Variants in GPC5 observed in about 807,000 individuals in gnomAD.
GPC5 encodes the protein glypican 5.
A neutral mutation model predicts 53.9 loss-of-function variants in GPC5; 47 were observed. The ratio of observed to expected loss-of-function variants is 0.87; its 90% CI spans 0.69 to 1.11. The LOEUF (loss-of-function observed/expected upper bound fraction) is 1.11, where lower values mean the gene tolerates loss of function less well. Ranked by LOEUF, GPC5 falls within the 50% of genes most tolerant of loss-of-function variation. The pLI, the probability that GPC5 is intolerant of heterozygous loss-of-function variation, is 0.00. For synonymous variants in GPC5, 286 were observed against 263.3 expected, an observed-to-expected ratio of 1.09 and a Z score of -0.84; for missense variants, 748 against 713.1, an observed-to-expected ratio of 1.05 and a Z score of -0.56.
intron 7 of GPC5, among the ~76,000 whole-genome samples, chr13:92,629,355 T>C (rs112654102): frequency 7.2e-5 from 11 of 152,290 alleles, no homozygotes; most frequent in East Asian, 3.9e-4. Flanking sequence ...TTGTGACACA[T>C]AGATGAAGGT....
chr13:92,052,905 TC>T (rs923017152), intron 6 of GPC5, among the ~76,000 whole-genome samples: 17 of 151,946 alleles, frequency 1.1e-4, no homozygotes, highest in African/African-American at 3.9e-4. Flanking sequence ...CCCTCAAGGG[TC>T]CCGAAAAGCA....
Position 91,543,873 on chromosome 13 carries a change from A to T in GPC5, c.325+94951A>T, listed in dbSNP as rs1428315113. Among the ~76,000 whole-genome samples the T allele has an allele frequency of 2.6e-5, 4 of 152,334 alleles. No individual in the cohort carries two copies. In the East Asian group the frequency reaches 5.8e-4, roughly 22 times the overall value. On this transcript the variant is annotated intron_variant, in intron 2 of 7. Coordinates refer to ENST00000377067, the MANE Select transcript of GPC5 (RefSeq NM_004466.6). ...AGCAACCCTCCATGTTGTTATGGAT[A>T]TCAAAGTTTCTTTTGAAATATGTAT...
intron 7 of GPC5, among the ~76,000 whole-genome samples, chr13:92,763,156 T>C (rs1875256669): frequency 6.6e-6 from 1 of 152,196 alleles, no homozygotes; most frequent in Non-Finnish European, 1.5e-5. Flanking sequence ...ATTCTTTTGA[T>C]GATATCATGT....
At chr13:91,716,047 G>C (rs1161113840) in intron 3 of GPC5, among the ~76,000 whole-genome samples, 1 of 151,424 alleles carries the variant, frequency 6.6e-6, no homozygotes, top group Non-Finnish European at 1.5e-5. Context: ...CAAAAGTGTT[G>C]GGATTACAGG....
At chr13:92,016,222 G>T (rs1566395409) in intron 6 of GPC5, among the ~76,000 whole-genome samples, 1 of 152,166 alleles carries the variant, frequency 6.6e-6, no homozygotes, top group Non-Finnish European at 1.5e-5. Context: ...AAAAGAAAAA[G>T]AATTTATAAT....
At chr13:91,751,808 C>CT (rs909399809) in intron 4 of GPC5, among the ~76,000 whole-genome samples, 46 of 152,098 alleles carry the variant, frequency 3.0e-4, no homozygotes, top group African/African-American at 1.1e-3. Context: ...TTTAATTTTT[C>CT]TTTTTTGGAA....
At chr13:91,548,690 C>T (rs2030440732) in intron 2 of GPC5, among the ~76,000 whole-genome samples, 1 of 152,140 alleles carries the variant, frequency 6.6e-6, no homozygotes, top group African/African-American at 2.4e-5. Flanking sequence ...ACTGACACTA[C>T]CTGACCTCAA....
intron 7 of GPC5, among the ~76,000 whole-genome samples, chr13:92,461,062 A>AT (rs926081127): frequency 3.6e-4 from 54 of 150,612 alleles, no homozygotes; most frequent in Middle Eastern, 3.4e-3. Context: ...CTAAGTCAAC[A>AT]TTTTTTTTTT....
chr13:91,884,001 G>C (rs1202526390), intron 5 of GPC5, among the ~76,000 whole-genome samples: 1 of 151,966 alleles, frequency 6.6e-6, no homozygotes, highest in Non-Finnish European at 1.5e-5. Context: ...TGAAAAAAAT[G>C]CTCAATATCA....
intron 7 of GPC5, among the ~76,000 whole-genome samples, chr13:92,341,143 T>C (rs949287343): frequency 6.6e-6 from 1 of 152,140 alleles, no homozygotes; most frequent in Non-Finnish European, 1.5e-5. Flanking sequence ...CATTCTCAAG[T>C]AGAGATTAGT....
At chr13:92,666,373 T>G (rs535624374) in intron 7 of GPC5, among the ~76,000 whole-genome samples, 1 of 152,198 alleles carries the variant, frequency 6.6e-6, no homozygotes, top group Admixed American at 6.5e-5. Context: ...CTGGAGTAAA[T>G]AAAATGGAAA....
At chr13:92,501,323 G>T (rs1476978438) in intron 7 of GPC5, among the ~76,000 whole-genome samples, 1 of 149,670 alleles carries the variant, frequency 6.7e-6, no homozygotes, top group Non-Finnish European at 1.5e-5. Flanking sequence ...TTACTGGATA[G>T]GCACAATCAC....
rs1050614719 is a variant in GPC5, at chr13:91,866,207, G to T, written c.1281-41730G>T. On this transcript the variant is annotated intron_variant, in intron 5 of 7. Transcript: ENST00000377067. ...AATTCATGCTTCTGAAAGTTTCAAAGAATGAAAAGGTATAAATGTCTCAAA... is the reference window on the plus strand; with the variant it reads ...AATTCATGCTTCTGAAAGTTTCAAATAATGAAAAGGTATAAATGTCTCAAA... 1.3e-5 allele frequency among the ~76,000 whole-genome samples: 2 copies of T among 152,180 alleles called. 1 individual carries two copies. The highest frequency in any genetic ancestry group is 4.8e-5 in the African/African-American group (2 of 41,446).
chr13:92,197,401 G>A (rs181913225), intron 7 of GPC5, among the ~76,000 whole-genome samples: 14 of 152,226 alleles, frequency 9.2e-5, no homozygotes, highest in African/African-American at 2.6e-4. Context: ...GGTAGATCTA[G>A]ATATCAGGAA....
chr13:92,716,392 T>C (rs1490469493), intron 7 of GPC5, among the ~76,000 whole-genome samples: 1 of 151,950 alleles, frequency 6.6e-6, no homozygotes, highest in Non-Finnish European at 1.5e-5. Context: ...TACTTTCCTC[T>C]CATCTTTCAA....
chr13:92,116,367 G>A (rs1438703096), intron 6 of GPC5, among the ~76,000 whole-genome samples: 2 of 152,172 alleles, frequency 1.3e-5, no homozygotes, highest in South Asian at 2.1e-4. Flanking sequence ...AGAGGCCTCA[G>A]AATAAAACCA....
At chr13:92,197,549 G>T (rs947726402) in intron 7 of GPC5, among the ~76,000 whole-genome samples, 1 of 152,132 alleles carries the variant, frequency 6.6e-6, no homozygotes, top group Non-Finnish European at 1.5e-5. Context: ...CCAGGATGGA[G>T]TGTGGTGGTA....
At chr13:91,507,448 C>T (rs1179989950) in intron 2 of GPC5, among the ~76,000 whole-genome samples, 2 of 152,150 alleles carry the variant, frequency 1.3e-5, no homozygotes, top group Non-Finnish European at 2.9e-5. Context: ...GGAGCAAGCA[C>T]ATCTTATATG....
At chr13:92,338,807 T>C (rs2043343449) in intron 7 of GPC5, among the ~76,000 whole-genome samples, 1 of 151,786 alleles carries the variant, frequency 6.6e-6, no homozygotes, top group Non-Finnish European at 1.5e-5. Flanking sequence ...AGTGCCCTAA[T>C]TGTGGATACA....
Sources: gnomAD v4.1 joint callset for allele counts (sites outside exome capture counted in the v4.1 genomes callset) on GRCh38, gnomAD v4.1.1 for gene constraint, MANE v1.5 for transcripts, NCBI Gene and HGNC (gene_info 2026-07-23, HGNC 2026-07-21) for gene names.